The following NBAS variants were observed in gnomAD, a reference collection of about 807,000 sequenced individuals.
NBAS encodes NBAS subunit of NRZ tethering complex, also known as NAG/BC035112 fusion.
Under a neutral mutation model 302.5 loss-of-function variants are expected in NBAS, and 219 were observed. The observed-to-expected ratio is 0.72, with a 90% CI of 0.65 to 0.81. NBAS has a LOEUF of 0.81. Ranked by LOEUF, NBAS falls within the 30% of genes least tolerant of loss-of-function variation. NBAS has a pLI of 0.00. For missense variants in NBAS, 2,932 were observed against 2,841.6 expected (o/e 1.03, Z -0.72); for synonymous variants, 1,118 against 1,021.6 (o/e 1.09, Z -1.80).
At chr2:15,445,682 T>G (rs1472028317) in intron 21 of NBAS, among the ~76,000 whole-genome samples, 4 of 151,400 alleles carry the variant, frequency 2.6e-5, no homozygotes, top group Non-Finnish European at 4.4e-5. Context: ...TAAATTTACT[T>G]TCAACTAAAA....
chr2:15,007,357 G>GGC, the NBAS span, among the ~76,000 whole-genome samples: 2 of 152,128 alleles, frequency 1.3e-5, no homozygotes, highest in African/African-American at 4.8e-5. Flanking sequence ...TTCTATCAAT[G>GGC]TTTTTGATTT....
At chr2:15,311,577 G>A (rs374434004) in intron 38 of NBAS, among the ~76,000 whole-genome samples, 1 of 152,228 alleles carries the variant, frequency 6.6e-6, no homozygotes, top group East Asian at 1.9e-4. Context: ...ATTAACAATT[G>A]CATTTAAGCA....
the NBAS span, among the ~76,000 whole-genome samples, chr2:14,855,083 G>A: frequency 1.3e-5 from 2 of 151,968 alleles, no homozygotes; most frequent in African/African-American, 4.8e-5. Context: ...ATACACCCCA[G>A]CCACAGCATG....
chr2:15,191,457 C>T (rs1665351857), intron 48 of NBAS, among the ~76,000 whole-genome samples: 1 of 152,188 alleles, frequency 6.6e-6, no homozygotes, highest in Admixed American at 6.5e-5. Flanking sequence ...CCAGATCCTT[C>T]AAAACCTGCC....
At chr2:15,221,416 CATA>C (rs761899946) in intron 47 of NBAS, among the ~76,000 whole-genome samples, 6 of 152,096 alleles carry the variant, frequency 3.9e-5, no homozygotes, top group Non-Finnish European at 5.9e-5. Context: ...CCACCATTGT[CATA>C]ATAACAATCT....
the NBAS span, among the ~76,000 whole-genome samples, chr2:14,970,201 C>T: frequency 0.013 from 1,983 of 152,166 alleles, 59 homozygotes; most frequent in African/African-American, 0.046. Context: ...CATATGCACC[C>T]CATGTGAGCT....
chr2:15,539,106 C>G (rs1245941827), intron 7 of NBAS, 117 bp downstream of exon 7: 1 of 1,395,632 alleles, frequency 7.2e-7, no homozygotes, highest in African/African-American at 1.4e-5. Context: ...CTTAAGTCCA[C>G]AGCTTATTAT....
At chr2:15,494,408 T>C (rs1680987668) in intron 11 of NBAS, among the ~76,000 whole-genome samples, 2 of 152,226 alleles carry the variant, frequency 1.3e-5, no homozygotes, top group African/African-American at 2.4e-5. Context: ...AGTCATTTAA[T>C]GCATTTATCA....
chr2:15,061,685 A>G, the NBAS span, among the ~76,000 whole-genome samples: 1 of 152,204 alleles, frequency 6.6e-6, no homozygotes. Flanking sequence ...GGACCCCAAT[A>G]GCATACTCCA....
rs559679170 is a variant in NBAS, at chr2:15,253,392, C to T, written c.5725-14706G>A. Among the ~76,000 whole-genome samples the T allele has an allele frequency of 3.3e-5, 5 of 151,994 alleles. No homozygotes were observed. In the South Asian group the frequency reaches 6.3e-4, roughly 19 times the overall value. ...TCTTGGTGGTGCAAATGTGTGTATG[C>T]GTGTGCTTAGGCAAGGGATTGTCCA... is the stretch of plus-strand genomic sequence containing the variant. On this transcript the variant is annotated intron_variant, in intron 44 of 51. Coordinates refer to ENST00000281513, the MANE Select transcript of NBAS (RefSeq NM_015909.4).
the NBAS span, among the ~76,000 whole-genome samples, chr2:14,954,883 G>A: frequency 6.6e-6 from 1 of 152,152 alleles, no homozygotes; most frequent in Non-Finnish European, 1.5e-5. Flanking sequence ...TAGGGACACA[G>A]CCAAACCATA....
intron 23 of NBAS, among the ~76,000 whole-genome samples, chr2:15,423,490 T>C (rs1488749030): frequency 6.6e-6 from 1 of 152,222 alleles, no homozygotes; most frequent in Non-Finnish European, 1.5e-5. Context: ...TATTTATTTT[T>C]AAAATTTTTA....
the NBAS span, among the ~76,000 whole-genome samples, chr2:14,940,672 C>T: frequency 9.8e-5 from 15 of 152,306 alleles, no homozygotes; most frequent in Admixed American, 7.8e-4. Flanking sequence ...AACACAATGC[C>T]TCCCACTACC....
intron 9 of NBAS, 117 bp from the exon 10 acceptor site, chr2:15,511,467 G>T: frequency 1.2e-6 from 1 of 864,918 alleles, no homozygotes; most frequent in Non-Finnish European, 1.8e-6. Flanking sequence ...ATTAATATAT[G>T]TTAAACCTAG....
At chr2:15,202,513 T>C (rs568754379) in intron 48 of NBAS, among the ~76,000 whole-genome samples, 6 of 101,136 alleles carry the variant, frequency 5.9e-5, no homozygotes, top group African/African-American at 1.8e-4. Context: ...AATACGTGTG[T>C]TTGTTTGTTT....
chr2:15,397,027 A>T (rs1675896466), intron 26 of NBAS, among the ~76,000 whole-genome samples: 1 of 152,258 alleles, frequency 6.6e-6, no homozygotes, highest in Admixed American at 6.5e-5. Flanking sequence ...CATCACATAG[A>T]TAATCCCTAG....
At chr2:15,097,499 C>G in the NBAS span, among the ~76,000 whole-genome samples, 4 of 152,042 alleles carry the variant, frequency 2.6e-5, no homozygotes, top group Non-Finnish European at 5.9e-5. Flanking sequence ...GCTGATAAAC[C>G]ACAGAAATTT....
chr2:15,176,427 C>T (rs1441942465), intron 51 of NBAS, among the ~76,000 whole-genome samples: 4 of 151,952 alleles, frequency 2.6e-5, no homozygotes, highest in African/African-American at 9.7e-5. Context: ...TTAGTGGTCA[C>T]ACGAAGTTAC....
the NBAS span, among the ~76,000 whole-genome samples, chr2:14,811,896 G>C: frequency 1.3e-5 from 2 of 152,180 alleles, no homozygotes; most frequent in African/African-American, 4.8e-5. Flanking sequence ...CAATCTATGA[G>C]GCTTTGGTGA....
Sources: allele counts gnomAD v4.1 joint callset (sites outside exome capture counted in the v4.1 genomes callset), GRCh38; gene constraint gnomAD v4.1.1; transcripts MANE v1.5; gene names NCBI Gene and HGNC (gene_info 2026-07-23, HGNC 2026-07-21).